The following NEDD4 variants were observed in gnomAD, a reference collection of about 807,000 sequenced individuals.
The protein encoded by NEDD4 is E3 ubiquitin-protein ligase NEDD4.
NEDD4 carries 99 observed loss-of-function variants against 144.9 expected under a neutral mutation model. The observed-to-expected ratio is 0.68, with a 90% confidence interval of 0.58 to 0.81. The LOEUF is 0.81. Ranked by LOEUF, NEDD4 falls within the 30% of genes least tolerant of loss-of-function variation. NEDD4 has a pLI of 0.00. For missense variants in NEDD4, 985 were observed against 1,065.9 expected, an observed-to-expected ratio of 0.92 and a Z score of 1.06; for synonymous variants, 318 against 350.6, an observed-to-expected ratio of 0.91 and a Z score of 1.04.
In NEDD4 at chr15:55,958,562, T is replaced by A. The variant is rs2037375673; in HGVS notation, c.120-6973A>T. On this transcript the variant is annotated intron_variant, in intron 2 of 28. Coordinates refer to ENST00000435532, the MANE Select transcript of NEDD4 (RefSeq NM_006154.4). ...ACGTGTTTGTGTAGAATTTTTATTT[T>A]TTTTTCCCTAAATGTCTGATAGCTG... 2.6e-5 allele frequency among the ~76,000 whole-genome samples: 4 copies of A among 152,128 alleles called. No homozygotes were observed. In the South Asian group the frequency reaches 8.3e-4, roughly 31 times the overall value.
In NEDD4 at chr15:55,868,085, T is replaced by C. The variant is rs563281390; in HGVS notation, c.507+1494A>G. On this transcript the variant is annotated intron_variant, in intron 8 of 28. Transcript: ENST00000435532. ...AAAAAAAAAAAAAGGTCTTTCCTTC[T>C]ATTATTATAGATTCTCCTGCAAAGC... is the stretch of plus-strand genomic sequence containing the variant. 1.3e-3 allele frequency among the ~76,000 whole-genome samples: 194 copies of C among 151,928 alleles called. 1 individual carries two copies. The highest frequency in any genetic ancestry group is 4.6e-3 in the African/African-American group (191 of 41,456).
intron 24 of NEDD4, among the ~76,000 whole-genome samples, chr15:55,834,733 AAAC>A (rs2033116138): frequency 6.6e-6 from 1 of 152,200 alleles, no homozygotes; most frequent in African/African-American, 2.4e-5. Context: ...TCCTGTCTCA[AAAC>A]AACAAGAACA....
In NEDD4 at chr15:55,856,566, G is replaced by A. The variant is rs147596980; in HGVS notation, c.961-370C>T. Among the ~76,000 whole-genome samples the A allele has an allele frequency of 8.6e-4, 130 of 150,474 alleles. 3 individuals are homozygous for A. In the East Asian group the frequency reaches 0.025, roughly 29 times the overall value. Reference sequence around the variant, plus strand: ...CAGCAATATCCTAAGAGGTTTCCCCGTTGCAAGTCTTACTTCCTTAAGTCC... The same window carrying A: ...CAGCAATATCCTAAGAGGTTTCCCCATTGCAAGTCTTACTTCCTTAAGTCC... On this transcript the variant is annotated intron_variant, in intron 11 of 28. Transcript: ENST00000435532.
chr15:55,971,817 C>G (rs975633166), intron 1 of NEDD4, among the ~76,000 whole-genome samples: 19 of 152,066 alleles, frequency 1.2e-4, no homozygotes, highest in Non-Finnish European at 2.6e-4. Context: ...ATTTAGTAAC[C>G]AAACTCCCAA....
At chr15:55,926,068 G>T (rs952532) in intron 4 of NEDD4, among the ~76,000 whole-genome samples, 20,492 of 151,212 alleles carry the variant, frequency 0.14, 1,498 homozygotes, top group East Asian at 0.32. Context: ...ATACATATAC[G>T]TATGTAAAAA....
rs575215376 is a variant in NEDD4, at chr15:55,841,801, G to C, written c.1838+133C>G. On this transcript the variant is annotated intron_variant, in intron 19 of 28. Transcript: ENST00000435532. ...TTAGCTAGGATGGTCTCGATATCCT[G>C]ACCTTGTGATCCGCCCGCCTCGGCC... 140 of 691,682 alleles carry C rather than the reference G, an allele frequency of 2.0e-4. 2 individuals carry two copies. The East Asian group carries it at 3.7e-3, about 18-fold the overall frequency. The allele number at this position is 691,682 out of a possible 1,614,324, so 42.8% of individuals were successfully genotyped here. A position where few individuals can be genotyped will look rare whatever the true frequency, so the allele number is the denominator to read the frequency against.
rs2032752446 is a variant in NEDD4, at chr15:55,827,536, G to T, written c.*2361C>A. ...AAAGCTTTGTATTTTCTCATGCTTA[G>T]ATAGTTCACAAACATAATATTTAAA... On this transcript the variant is annotated 3_prime_UTR_variant, in exon 29 of 29. Coordinates refer to ENST00000435532, the MANE Select transcript of NEDD4 (RefSeq NM_006154.4). 6.6e-6 allele frequency: 1 copy of T among 152,154 alleles called. No homozygotes were observed. Among genetic ancestry groups the T allele is most frequent in the Non-Finnish European group, 1.5e-5 (1 of 68,022 alleles). The allele number at this position is 152,154 out of a possible 1,614,324, so 9.4% of individuals were successfully genotyped here.
chr15:55,837,786 T>C lies in NEDD4; in HGVS notation c.2262+3A>G. ...GGAAGAGCAAATAAAAGAAAATGAA[T>C]ACCTCTTTAAAAGCAGCCATTTGCT... is the stretch of plus-strand genomic sequence containing the variant. On this transcript the variant is annotated splice_donor_region_variant and intron_variant, in intron 24 of 28. Transcript: ENST00000435532. The C allele has an allele frequency of 6.2e-7, 1 of 1,607,316 alleles. No individual in the cohort carries two copies. The highest frequency in any genetic ancestry group is 1.1e-5 in the South Asian group (1 of 90,642).
intron 1 of NEDD4, among the ~76,000 whole-genome samples, chr15:55,974,756 T>C (rs2037670323): frequency 6.6e-6 from 1 of 151,114 alleles, no homozygotes; most frequent in Admixed American, 6.6e-5. Flanking sequence ...AACCTGACTA[T>C]AGATGGAACA....
intron 4 of NEDD4, among the ~76,000 whole-genome samples, chr15:55,932,546 G>C (rs1404624299): frequency 6.6e-6 from 1 of 151,970 alleles, no homozygotes; most frequent in Non-Finnish European, 1.5e-5. Context: ...TTAAATGTTA[G>C]AGCTAAAACC....
At chr15:55,914,792 A>G (rs1327949040) in intron 5 of NEDD4, among the ~76,000 whole-genome samples, 1 of 152,016 alleles carries the variant, frequency 6.6e-6, no homozygotes, top group Admixed American at 6.6e-5. Flanking sequence ...AAAGATCTTT[A>G]CACTTTGATA....
chr15:55,926,223 T>C (rs2036662475), intron 4 of NEDD4, among the ~76,000 whole-genome samples: 1 of 152,208 alleles, frequency 6.6e-6, no homozygotes, highest in Admixed American at 6.5e-5. Flanking sequence ...ACCCTGAATA[T>C]GTCTATCTAG....
At chr15:55,973,290 A>C (rs2037642379) in intron 1 of NEDD4, among the ~76,000 whole-genome samples, 1 of 152,202 alleles carries the variant, frequency 6.6e-6, no homozygotes, top group Non-Finnish European at 1.5e-5. Flanking sequence ...TGTAATTCCA[A>C]CACTTTGGGA....
At chr15:55,958,298 T>C (rs1268729202) in intron 2 of NEDD4, among the ~76,000 whole-genome samples, 3 of 152,232 alleles carry the variant, frequency 2.0e-5, no homozygotes, top group African/African-American at 7.2e-5. Context: ...GTGTTTTTTC[T>C]ACTTTACTGT....
chr15:55,978,048 G>A (rs1255655940), intron 1 of NEDD4, among the ~76,000 whole-genome samples: 1 of 152,030 alleles, frequency 6.6e-6, no homozygotes, highest in Admixed American at 6.5e-5. Context: ...TAATTTATAT[G>A]ACCTTAACTG....
chr15:55,847,457 A>G (rs2033794687), intron 17 of NEDD4, among the ~76,000 whole-genome samples: 1 of 152,162 alleles, frequency 6.6e-6, no homozygotes, highest in Admixed American at 6.6e-5. Flanking sequence ...ACATGTTGAG[A>G]CAGTAAATAG....
At chr15:55,865,542 T>TG (rs2034556182) in intron 8 of NEDD4, among the ~76,000 whole-genome samples, 1 of 68,390 alleles carries the variant, frequency 1.5e-5, no homozygotes, top group East Asian at 3.2e-4. Context: ...CCAAAACTAC[T>TG]AAATAACATT....
chr15:55,967,440 CTGTGTG>C (rs200788423), intron 1 of NEDD4, among the ~76,000 whole-genome samples: 2,506 of 142,354 alleles, frequency 0.018, 56 homozygotes, highest in African/African-American at 0.057. Flanking sequence ...CATAACTATG[CTGTGTG>C]TGTGTGTGTG....
intron 1 of NEDD4, among the ~76,000 whole-genome samples, chr15:55,981,930 A>C (rs1286610526): frequency 6.6e-6 from 1 of 152,212 alleles, no homozygotes; most frequent in Non-Finnish European, 1.5e-5. Context: ...TATTCAATCA[A>C]TACTATATAA....
Sources: gnomAD v4.1 joint callset for allele counts (sites outside exome capture counted in the v4.1 genomes callset) on GRCh38, gnomAD v4.1.1 for gene constraint, MANE v1.5 for transcripts, NCBI Gene and HGNC (gene_info 2026-07-23, HGNC 2026-07-21) for gene names.